The following IGSF21 variants were observed in gnomAD, a reference collection of about 807,000 sequenced individuals.
The protein encoded by IGSF21 is immunoglobulin superfamily member 21.
Under a neutral mutation model 46.8 loss-of-function variants are expected in IGSF21, and 28 were observed. The ratio of observed to expected loss-of-function variants is 0.60; its 90% CI spans 0.44 to 0.82. IGSF21 has a LOEUF of 0.82. Ranked by LOEUF, IGSF21 falls within the 40% of genes least tolerant of loss-of-function variation. The pLI is 0.00. For synonymous variants in IGSF21, 284 were observed against 273.6 expected (o/e 1.04, Z -0.38); for missense variants, 624 against 665.5 (o/e 0.94, Z 0.69).
intron 1 of IGSF21, among the ~76,000 whole-genome samples, chr1:18,158,059 C>A (rs2086583793): frequency 6.6e-6 from 1 of 152,144 alleles, no homozygotes; most frequent in African/African-American, 2.4e-5. Context: ...TCATATCTCC[C>A]CCATCAAACT....
intron 2 of IGSF21, among the ~76,000 whole-genome samples, chr1:18,284,056 A>C (rs781503486): frequency 2.0e-5 from 3 of 152,188 alleles, no homozygotes; most frequent in Non-Finnish European, 4.4e-5. Flanking sequence ...GAGATGAGTC[A>C]GTTTTCTCAC....
rs768284871 is a variant in IGSF21, at chr1:18,365,743, G to A, written c.1015+46G>A. 8.0e-6 allele frequency: 12 copies of A among 1,505,638 alleles called. No individual in the cohort carries two copies. In the African/African-American group the frequency reaches 8.3e-5, roughly 10 times the overall value. The allele number at this position is 1,505,638 out of a possible 1,614,324, so 93.3% of individuals were successfully genotyped here. A position where few individuals can be genotyped will look rare whatever the true frequency, so the allele number is the denominator to read the frequency against. ...TTCTGTAGAGCCCTTGCAGACCTGG[G>A]TGTGGGGAGAGCCTTGGAATAGGGT... On this transcript the variant is annotated intron_variant, in intron 6 of 9. Transcript: ENST00000251296. The surrounding 1 kb of genome is among the most constrained non-coding windows in gnomAD (Gnocchi z 4.8).
intron 1 of IGSF21, among the ~76,000 whole-genome samples, chr1:18,168,575 T>C (rs566505245): frequency 6.6e-6 from 1 of 152,292 alleles, no homozygotes; most frequent in Admixed American, 6.5e-5. Flanking sequence ...GGAGACCCTG[T>C]CACTTTATCG....
chr1:18,136,309 T>C (rs1394475810), intron 1 of IGSF21, among the ~76,000 whole-genome samples: 2 of 152,186 alleles, frequency 1.3e-5, no homozygotes, highest in African/African-American at 2.4e-5. Flanking sequence ...TTGCTTTTGG[T>C]GTTTTAGACA....
At chr1:18,343,735 C>G (rs1193129334) in intron 4 of IGSF21, among the ~76,000 whole-genome samples, 1 of 152,210 alleles carries the variant, frequency 6.6e-6, no homozygotes, top group Non-Finnish European at 1.5e-5. Flanking sequence ...GCATCCTTGT[C>G]GAAAATCAAT....
At chr1:18,247,339 T>C (rs181327015) in intron 2 of IGSF21, among the ~76,000 whole-genome samples, 211 of 152,198 alleles carry the variant, frequency 1.4e-3, no homozygotes, top group African/African-American at 4.9e-3. Context: ...ATCCCCTTCC[T>C]CCCCTGGGCC....
chr1:18,161,653 G>GA (rs1288350127), intron 1 of IGSF21, among the ~76,000 whole-genome samples: 2 of 152,132 alleles, frequency 1.3e-5, no homozygotes, highest in Non-Finnish European at 2.9e-5. Context: ...CAAAGGCGAG[G>GA]AAAACTATGA....
intron 1 of IGSF21, among the ~76,000 whole-genome samples, chr1:18,207,650 A>G (rs2084343057): frequency 6.6e-6 from 1 of 152,266 alleles, no homozygotes; most frequent in Non-Finnish European, 1.5e-5. Context: ...ACAATTGCAT[A>G]TCACTGGGGA....
intron 1 of IGSF21, among the ~76,000 whole-genome samples, chr1:18,152,644 C>T (rs574990690): frequency 6.6e-6 from 1 of 152,216 alleles, no homozygotes; most frequent in Non-Finnish European, 1.5e-5. Context: ...CATGATTTCT[C>T]TTATTTAGAT....
intron 3 of IGSF21, among the ~76,000 whole-genome samples, chr1:18,295,502 A>G (rs991033912): frequency 8.5e-5 from 13 of 152,174 alleles, no homozygotes; most frequent in Non-Finnish European, 1.8e-4. Context: ...CGTGTAATGA[A>G]GGGGCAAGTG....
At chr1:18,319,917 A>G (rs1470073866) in intron 3 of IGSF21, among the ~76,000 whole-genome samples, 1 of 152,170 alleles carries the variant, frequency 6.6e-6, no homozygotes, top group Non-Finnish European at 1.5e-5. Flanking sequence ...CCTCAACTAA[A>G]ATACGAGTTC....
chr1:18,327,284 G>A (rs1327428019), intron 3 of IGSF21, among the ~76,000 whole-genome samples: 2 of 152,106 alleles, frequency 1.3e-5, no homozygotes, highest in African/African-American at 4.8e-5. Flanking sequence ...AGCAGTGTGG[G>A]CAAAAAGACA....
At chr1:18,236,227 C>T (rs973058214) in intron 2 of IGSF21, among the ~76,000 whole-genome samples, 4 of 152,152 alleles carry the variant, frequency 2.6e-5, no homozygotes, top group African/African-American at 9.7e-5. Flanking sequence ...ATACTGTTCT[C>T]CTGGTAGTGA....
intron 2 of IGSF21, chr1:18,278,811 C>T (rs1329254815): frequency 2.1e-6 from 1 of 470,842 alleles, no homozygotes; most frequent in Admixed American, 2.3e-5. Context: ...CTGCCTCGGC[C>T]TCCAAAAGTG....
At chr1:18,219,537 A>G (rs2084486016) in intron 1 of IGSF21, among the ~76,000 whole-genome samples, 1 of 152,160 alleles carries the variant, frequency 6.6e-6, no homozygotes, top group South Asian at 2.1e-4. Context: ...AGGTGCAGAG[A>G]GATAGCAGCG....
At chr1:18,199,801 G>C (rs534392920) in intron 1 of IGSF21, among the ~76,000 whole-genome samples, 1 of 152,232 alleles carries the variant, frequency 6.6e-6, no homozygotes, top group African/African-American at 2.4e-5. Context: ...TTAACAAATG[G>C]GCAAAGTTTT....
intron 2 of IGSF21, among the ~76,000 whole-genome samples, chr1:18,286,805 T>C (rs929830809): frequency 1.3e-5 from 2 of 152,194 alleles, no homozygotes; most frequent in African/African-American, 4.8e-5. Flanking sequence ...ATTCATTCAC[T>C]CATTGACTCA....
intron 3 of IGSF21, among the ~76,000 whole-genome samples, chr1:18,305,524 GGATTATGAATGGATGGATGGAT>G (rs1418273722): frequency 1.4e-5 from 2 of 145,496 alleles, no homozygotes; most frequent in Non-Finnish European, 3.0e-5. Flanking sequence ...ATGGATGGAT[GGATTATGAATGGATGGATGGAT>G]GATGGATGGA....
At chr1:18,120,257 G>T (rs1386295175) in intron 1 of IGSF21, among the ~76,000 whole-genome samples, 1 of 152,174 alleles carries the variant, frequency 6.6e-6, no homozygotes, top group Non-Finnish European at 1.5e-5. Context: ...CAGAAAGCAG[G>T]CTGGGCTGTG....
Sources: allele counts gnomAD v4.1 joint callset (sites outside exome capture counted in the v4.1 genomes callset), GRCh38; gene constraint gnomAD v4.1.1; non-coding constraint Gnocchi (gnomAD v3.1); transcripts MANE v1.5; gene names NCBI Gene and HGNC (gene_info 2026-07-23, HGNC 2026-07-21).